AVEN: variants seen among roughly 807,000 people sequenced by gnomAD.
AVEN encodes the protein apoptosis and caspase activation inhibitor.
AVEN carries 41 observed loss-of-function variants against 38.1 expected under a neutral mutation model. The observed-to-expected ratio is 1.08, with a 90% CI of 0.84 to 1.40. The LOEUF is 1.40. AVEN is among the 40% of genes most tolerant of loss of function. The probability of loss-of-function intolerance (pLI) is 0.00; values close to 1 mark genes in which losing one functional copy is unlikely to be tolerated. For missense variants in AVEN, 605 were observed against 438.8 expected (o/e 1.38, Z -3.38); for synonymous variants, 206 against 171.8 (o/e 1.20, Z -1.56).
At chr15:33,854,574 G>C, downstream of AVEN, 1 of 1,050,574 alleles carries the variant, frequency 9.5e-7, no homozygotes, top group Non-Finnish European at 1.4e-6. Flanking sequence ...AGCCTTATAC[G>C]TGCTGGGGGA....
rs978321660 is a variant in AVEN, at chr15:34,012,891, T to C, written c.268-9682A>G. On this transcript the variant is annotated intron_variant, in intron 1 of 5. Transcript: ENST00000306730. The stretch of plus-strand genomic sequence containing the variant: ...GGTTATGTTTACTCTTCACCTAAGT[T>C]AACCATTATTTTTTCCTTTATAAGC... 4.6e-5 allele frequency among the ~76,000 whole-genome samples: 7 copies of C among 152,224 alleles called. No individual in the cohort carries two copies. In the East Asian group the frequency reaches 5.8e-4, roughly 13 times the overall value.
At chr15:33,951,693 GA>G (rs1325031966) in intron 2 of AVEN, among the ~76,000 whole-genome samples, 11 of 151,692 alleles carry the variant, frequency 7.3e-5, no homozygotes, top group Admixed American at 5.9e-4. Context: ...CTGTCTCCTT[GA>G]AGGCAAATAA....
rs139260673 is a variant in AVEN at position 34,063,962 on chromosome 15, G to A, written n.1127-530C>T. ...TCCCAGTGGCCAAGGAACCTTCAAC[G>A]AAAGGCCTCAATCCCAACCCCAGCC... On this transcript the variant is annotated intron_variant and non_coding_transcript_variant, in intron 4 of 11. Transcript: ENST00000675287. This position sits in a 1 kb window ranked among gnomAD's most constrained non-coding sequence, Gnocchi z 4.1. 62 of 1,614,100 alleles carry A rather than the reference G, an allele frequency of 3.8e-5. No individual in the cohort carries two copies. In the African/African-American group the frequency reaches 5.7e-4, roughly 15 times the overall value.
chr15:33,942,812 T>C (rs536893214), intron 2 of AVEN, among the ~76,000 whole-genome samples: 133 of 152,312 alleles, frequency 8.7e-4, no homozygotes, highest in Middle Eastern at 6.8e-3. Context: ...CCTGAGGATT[T>C]CTTTTATCAT....
At chr15:33,974,873 G>A (rs1340685612) in intron 2 of AVEN, among the ~76,000 whole-genome samples, 1 of 152,166 alleles carries the variant, frequency 6.6e-6, no homozygotes, top group Non-Finnish European at 1.5e-5. Flanking sequence ...CTTGGAGGCT[G>A]GGGCCGGAGA....
intron 2 of AVEN, among the ~76,000 whole-genome samples, chr15:33,983,190 G>A (rs1896251768): frequency 1.8e-5 from 2 of 110,452 alleles, no homozygotes; most frequent in Admixed American, 9.9e-5. Context: ...ACACGTGTGT[G>A]TATGTGTGTG....
chr15:33,886,255 G>C (rs1313167056), intron 2 of AVEN, among the ~76,000 whole-genome samples: 2 of 152,152 alleles, frequency 1.3e-5, no homozygotes, highest in African/African-American at 4.8e-5. Flanking sequence ...GGAATCATGG[G>C]GGGCGGTCTC....
intron 2 of AVEN, among the ~76,000 whole-genome samples, chr15:33,927,113 G>A (rs528567124): frequency 7.6e-4 from 116 of 152,120 alleles, no homozygotes; most frequent in African/African-American, 2.7e-3. Context: ...AAATTAGCCG[G>A]GTGTGGTGGC....
At chr15:33,873,986 C>T (rs1483277597) in intron 3 of AVEN, among the ~76,000 whole-genome samples, 1 of 152,160 alleles carries the variant, frequency 6.6e-6, no homozygotes, top group Non-Finnish European at 1.5e-5. Flanking sequence ...CGTCCAACAT[C>T]ACATCCTCCT....
intron 1 of AVEN, among the ~76,000 whole-genome samples, chr15:34,004,207 AACTG>A (rs1359877834): frequency 1.3e-5 from 2 of 152,250 alleles, no homozygotes; most frequent in Admixed American, 6.5e-5. Context: ...CCTGTATTAC[AACTG>A]ACTATGTTGT....
intron 2 of AVEN, among the ~76,000 whole-genome samples, chr15:33,903,634 G>C (rs942763799): frequency 1.3e-5 from 2 of 151,898 alleles, no homozygotes; most frequent in African/African-American, 4.8e-5. Flanking sequence ...GATGTGTTTA[G>C]GAAAAATATA....
At chr15:33,983,192 ATGTGTGTG>A (rs1215911798) in intron 2 of AVEN, among the ~76,000 whole-genome samples, 5 of 70,296 alleles carry the variant, frequency 7.1e-5, no homozygotes, top group East Asian at 9.1e-4. Flanking sequence ...ACGTGTGTGT[ATGTGTGTG>A]TATATATATA....
Position 34,039,098 on chromosome 15 carries a change from C to G in AVEN, c.-52G>C. ...CGCGGGAGCCGAGCTGCGGCGGAGACGCCCTGGCCCCACCGGAAGCGGGCC... is the reference window on the plus strand; with the variant it reads ...CGCGGGAGCCGAGCTGCGGCGGAGAGGCCCTGGCCCCACCGGAAGCGGGCC... On this transcript the variant is annotated 5_prime_UTR_variant, in exon 1 of 6. Coordinates refer to ENST00000306730, the MANE Select transcript of AVEN (RefSeq NM_020371.3). 1 of 1,066,742 alleles carries G rather than the reference C, an allele frequency of 9.4e-7. No homozygotes were observed. Among genetic ancestry groups the G allele is most frequent in the South Asian group, 4.4e-5 (1 of 22,520 alleles). 66.1% of individuals were successfully genotyped at this position (1,066,742 alleles called of 1,614,324 possible).
chr15:33,869,149 G>A (rs1890828908), intron 4 of AVEN, among the ~76,000 whole-genome samples: 1 of 152,140 alleles, frequency 6.6e-6, no homozygotes, highest in Non-Finnish European at 1.5e-5. Context: ...GGGCAAAGCT[G>A]GGACATGGTC....
At chr15:33,860,460 C>T (rs887952876) in intron 11 of AVEN, 14 of 541,702 alleles carry the variant, frequency 2.6e-5, no homozygotes, top group African/African-American at 1.9e-4. Flanking sequence ...CAAAGAAACA[C>T]GAGTATTATT....
At chr15:34,037,937 T>C (rs1899225865) in intron 1 of AVEN, among the ~76,000 whole-genome samples, 1 of 152,308 alleles carries the variant, frequency 6.6e-6, no homozygotes, top group Middle Eastern at 3.4e-3. Context: ...GGTCTTGTCC[T>C]ACAGATGTTA....
At chr15:33,876,964 CAG>C (rs1342750041) in intron 2 of AVEN, among the ~76,000 whole-genome samples, 4 of 152,084 alleles carry the variant, frequency 2.6e-5, no homozygotes, top group Non-Finnish European at 4.4e-5. Context: ...CAGAAAAAAA[CAG>C]AACTAAAACT....
At chr15:34,020,625 C>T (rs991135526) in intron 1 of AVEN, among the ~76,000 whole-genome samples, 1 of 152,204 alleles carries the variant, frequency 6.6e-6, no homozygotes, top group African/African-American at 2.4e-5. Context: ...CTCTGACTTA[C>T]AGATGGGCAG....
chr15:34,064,891 C>T (rs1900470445), intron 4 of AVEN: 1 of 168,000 alleles, frequency 6.0e-6, no homozygotes, highest in African/African-American at 2.4e-5. Context: ...GTTTGTTTTC[C>T]TGTCCCCACA....
Sources: gnomAD v4.1 joint callset for allele counts (sites outside exome capture counted in the v4.1 genomes callset) on GRCh38, gnomAD v4.1.1 for gene constraint, Gnocchi (gnomAD v3.1) non-coding constraint, MANE v1.5 for transcripts, NCBI Gene and HGNC (gene_info 2026-07-23, HGNC 2026-07-21) for gene names.